Variants in PCDHGA1 observed in about 807,000 individuals in gnomAD.
PCDHGA1 encodes protocadherin gamma-A1.
In PCDHGA1, 32 loss-of-function variants were observed where a neutral mutation model predicts 58.0. The observed-to-expected ratio is 0.55, with a 90% CI of 0.42 to 0.74. PCDHGA1 has a LOEUF of 0.74. Ranked by LOEUF, PCDHGA1 falls within the 30% of genes least tolerant of loss-of-function variation. PCDHGA1 has a pLI of 0.00. For missense variants in PCDHGA1, 1,205 were observed against 1,182.3 expected, an observed-to-expected ratio of 1.02 and a Z score of -0.28; for synonymous variants, 498 against 501.1, an observed-to-expected ratio of 0.99 and a Z score of 0.08.
rs145627101 is a variant in PCDHGA1, at chr5:141,341,005, C to A, written c.2421+7900C>A. 8 of 1,613,988 alleles carry A rather than the reference C, an allele frequency of 5.0e-6. No homozygotes were observed. In the African/African-American group the frequency reaches 8.0e-5, roughly 16 times the overall value. ...ACATCCTGGCCGACCTGGGCAGCCT[C>A]GAGCCCTCCGCCATACCCAACGATT... On this transcript the variant is annotated intron_variant, in intron 1 of 3. Coordinates refer to ENST00000517417, the MANE Select transcript of PCDHGA1 (RefSeq NM_018912.3).
rs558074504 is a variant in PCDHGA1, at chr5:141,489,065, C to G, written c.2422-5742C>G. On this transcript the variant is annotated intron_variant, in intron 1 of 3. Coordinates refer to ENST00000517417, the MANE Select transcript of PCDHGA1 (RefSeq NM_018912.3). This position sits in a 1 kb window ranked among gnomAD's most constrained non-coding sequence, Gnocchi z 4.5. ...CCACTCAAATTCAGCTCCCCTCCCC[C>G]CTGCCCACCCCCGCCACTCGGTGAC... is the stretch of plus-strand genomic sequence containing the variant. The G allele has an allele frequency of 1.5e-4, 57 of 389,046 alleles. No homozygotes were observed. Among genetic ancestry groups the G allele is most frequent in the African/African-American group, 8.5e-4 (40 of 47,278 alleles). 24.1% of individuals were successfully genotyped at this position (389,046 alleles called of 1,614,324 possible).
intron 1 of PCDHGA1, chr5:141,346,231 C>T: frequency 1.9e-6 from 3 of 1,614,200 alleles, no homozygotes; most frequent in African/African-American, 1.3e-5. Context: ...GGCGGCTTGG[C>T]GAGTACGCCC....
Position 141,476,035 on chromosome 5 carries a change from C to A in PCDHGA1, c.2422-18772C>A. On this transcript the variant is annotated intron_variant, in intron 1 of 3. Coordinates refer to ENST00000517417, the MANE Select transcript of PCDHGA1 (RefSeq NM_018912.3). This position sits in a 1 kb window ranked among gnomAD's most constrained non-coding sequence, Gnocchi z 7.6. ...CATGTCGGACTCGGCGCCCAGCGCCCAAGCGCTAACCCGCTGAAAGTTTCT... is the reference window on the plus strand; with the variant it reads ...CATGTCGGACTCGGCGCCCAGCGCCAAAGCGCTAACCCGCTGAAAGTTTCT... The A allele has an allele frequency of 1.4e-6, 2 of 1,466,592 alleles. No individual in the cohort carries two copies. The highest frequency in any genetic ancestry group is 1.8e-6 in the Non-Finnish European group (2 of 1,102,494). 90.8% of individuals were successfully genotyped at this position (1,466,592 alleles called of 1,614,324 possible). A position where few individuals can be genotyped will look rare whatever the true frequency, so the allele number is the denominator to read the frequency against.
intron 1 of PCDHGA1, among the ~76,000 whole-genome samples, chr5:141,438,678 G>C (rs2098050264): frequency 7.1e-6 from 1 of 140,560 alleles, no homozygotes; most frequent in African/African-American, 2.6e-5. Context: ...ATTTGGAGTA[G>C]GGGATGGAGT....
In PCDHGA1 at chr5:141,476,529, A is replaced by G. The variant is rs752442904; in HGVS notation, c.2422-18278A>G. On this transcript the variant is annotated intron_variant, in intron 1 of 3. Coordinates refer to ENST00000517417, the MANE Select transcript of PCDHGA1 (RefSeq NM_018912.3). The surrounding 1 kb of genome is among the most constrained non-coding windows in gnomAD (Gnocchi z 7.6). ...GACAACAATCCTGCTTTCCCTACCCAGGAAATGAAATTGGAGATTAGCGAG... is the reference window on the plus strand; with the variant it reads ...GACAACAATCCTGCTTTCCCTACCCGGGAAATGAAATTGGAGATTAGCGAG... 2.8e-5 allele frequency: 46 copies of G among 1,614,198 alleles called. No individual in the cohort carries two copies. Among genetic ancestry groups the G allele is most frequent in the Non-Finnish European group, 3.8e-5 (45 of 1,180,044 alleles).
chr5:141,477,808 C>T lies in PCDHGA1; in HGVS notation c.2422-16999C>T, dbSNP rs750186099. 2.5e-6 allele frequency: 4 copies of T among 1,613,994 alleles called. No individual in the cohort carries two copies. In the African/African-American group the frequency reaches 4.0e-5, roughly 16 times the overall value. On this transcript the variant is annotated intron_variant, in intron 1 of 3. Coordinates refer to ENST00000517417, the MANE Select transcript of PCDHGA1 (RefSeq NM_018912.3). The surrounding 1 kb of genome is among the most constrained non-coding windows in gnomAD (Gnocchi z 4.9). ...TTGTCACTGATCGCAATGACAATGC[C>T]CCCCAGGTCCTATATCCTCGGCCAG...
chr5:141,342,319 A>C (rs1757147849), intron 1 of PCDHGA1: 2 of 152,262 alleles, frequency 1.3e-5, no homozygotes, highest in Admixed American at 1.3e-4. Flanking sequence ...ACCCAATCCC[A>C]GTGCCCCTCT....
Position 141,427,760 on chromosome 5 carries a change from T to C in PCDHGA1, c.2422-67047T>C, listed in dbSNP as rs1464459008. On this transcript the variant is annotated intron_variant, in intron 1 of 3. Coordinates refer to ENST00000517417, the MANE Select transcript of PCDHGA1 (RefSeq NM_018912.3). The stretch of plus-strand genomic sequence containing the variant: ...AAGTCTCCTACTCCATCGTTACCAC[T>C]GACTTGGAGCTGCGGGCACTGTCGT... The C allele has an allele frequency of 4.4e-6, 6 of 1,360,822 alleles. No individual in the cohort carries two copies. The Admixed American group carries it at 5.1e-5, about 12-fold the overall frequency. 84.3% of individuals were successfully genotyped at this position (1,360,822 alleles called of 1,614,324 possible).
intron 1 of PCDHGA1, among the ~76,000 whole-genome samples, chr5:141,467,341 C>T (rs1169830103): frequency 6.6e-6 from 1 of 152,214 alleles, no homozygotes; most frequent in Non-Finnish European, 1.5e-5. Context: ...ACGTAAGCCA[C>T]TGCCCCCGGC....
chr5:141,352,167 A>G (rs1003430908), intron 1 of PCDHGA1: 2 of 1,613,210 alleles, frequency 1.2e-6, no homozygotes, highest in Non-Finnish European at 1.7e-6. Flanking sequence ...GCGGCCCGCC[A>G]GCGCCTGCTG....
At chr5:141,377,343 C>G (rs1218188915) in intron 1 of PCDHGA1, 1 of 152,110 alleles carries the variant, frequency 6.6e-6, no homozygotes. Context: ...TGGTGGTTCA[C>G]GCCTGTAATC....
chr5:141,403,136 C>T, intron 1 of PCDHGA1: 1 of 1,614,006 alleles, frequency 6.2e-7, no homozygotes, highest in South Asian at 1.1e-5. Flanking sequence ...GCTGGCGGAG[C>T]GCCGAGTCCG....
chr5:141,498,294 G>A (rs2099782964), intron 2 of PCDHGA1, among the ~76,000 whole-genome samples: 1 of 151,910 alleles, frequency 6.6e-6, no homozygotes, highest in African/African-American at 2.4e-5. Flanking sequence ...GATCAAGCCA[G>A]CTCTGGGTCA....
In PCDHGA1 at chr5:141,490,363, C is replaced by G; in HGVS notation, c.2422-4444C>G. 3 of 1,614,154 alleles carry G rather than the reference C, an allele frequency of 1.9e-6. No homozygotes were observed. Among genetic ancestry groups the G allele is most frequent in the Non-Finnish European group, 2.5e-6 (3 of 1,180,032 alleles). On this transcript the variant is annotated intron_variant, in intron 1 of 3. Transcript: ENST00000517417. This position sits in a 1 kb window ranked among gnomAD's most constrained non-coding sequence, Gnocchi z 5.4. ...CACAGTAGTGGGGTTGTTTAATGTGCGAGACCGGGACTCAGGTAGAAATGG... is the reference window on the plus strand; with the variant it reads ...CACAGTAGTGGGGTTGTTTAATGTGGGAGACCGGGACTCAGGTAGAAATGG...
rs1346536726 is a variant in PCDHGA1 at position 141,375,203 on chromosome 5, C to A, written c.2421+42098C>A. 10 of 1,613,794 alleles carry A rather than the reference C, an allele frequency of 6.2e-6. No individual in the cohort carries two copies. In the Admixed American group the frequency reaches 1.3e-4, roughly 22 times the overall value. ...AATCGCCCTTTTTCAAGTGTTCGATCGAGACTCTGGCCTGAATGGCCTGGT... is the reference window on the plus strand; with the variant it reads ...AATCGCCCTTTTTCAAGTGTTCGATAGAGACTCTGGCCTGAATGGCCTGGT... On this transcript the variant is annotated intron_variant, in intron 1 of 3. Transcript: ENST00000517417.
Position 141,420,431 on chromosome 5 carries a change from A to G in PCDHGA1, c.2422-74376A>G, listed in dbSNP as rs183252328. 8.4e-5 allele frequency: 96 copies of G among 1,148,758 alleles called. No individual in the cohort carries two copies. In the African/African-American group the frequency reaches 1.3e-3, roughly 16 times the overall value. The allele number at this position is 1,148,758 out of a possible 1,614,324, so 71.2% of individuals were successfully genotyped here. Reference sequence around the variant, plus strand: ...TATCATTATTAAAACAAAAGTTTAAATTAAATGCCTCAGTCTTCCTACTAT... The same window carrying G: ...TATCATTATTAAAACAAAAGTTTAAGTTAAATGCCTCAGTCTTCCTACTAT... On this transcript the variant is annotated intron_variant, in intron 1 of 3. Transcript: ENST00000517417.
chr5:141,403,220 A>G (rs1340190547), intron 1 of PCDHGA1: 1 of 1,613,824 alleles, frequency 6.2e-7, no homozygotes, highest in Non-Finnish European at 8.5e-7. Context: ...CGCGGGTAGG[A>G]TAGACCGGGA....
chr5:141,357,619 C>T, intron 1 of PCDHGA1: 1 of 1,613,696 alleles, frequency 6.2e-7, no homozygotes, highest in Non-Finnish European at 8.5e-7. Flanking sequence ...CCCTAATCTT[C>T]AGGTGAGTCA....
At chr5:141,430,945 C>G (rs1466092130) in intron 1 of PCDHGA1, 1 of 1,609,234 alleles carries the variant, frequency 6.2e-7, no homozygotes, top group Non-Finnish European at 8.5e-7. Context: ...TCGCGGAGCG[C>G]GGAGTCCGCA....
Sources: gnomAD v4.1 joint callset for allele counts (sites outside exome capture counted in the v4.1 genomes callset) on GRCh38, gnomAD v4.1.1 for gene constraint, Gnocchi (gnomAD v3.1) non-coding constraint, MANE v1.5 for transcripts, NCBI Gene and HGNC (gene_info 2026-07-23, HGNC 2026-07-21) for gene names.